Variants in MAP3K15 observed in about 807,000 individuals in gnomAD.
The protein encoded by MAP3K15 is mitogen-activated protein kinase kinase kinase 15.
Under a neutral mutation model 99.5 loss-of-function variants are expected in MAP3K15, and 124 were observed. The ratio of observed to expected loss-of-function variants is 1.25; its 90% CI spans 1.08 to 1.45. The LOEUF is 1.45. Among genes scored for constraint, MAP3K15 ranks in the 40% most tolerant of loss-of-function variants. MAP3K15 has a pLI of 0.00. For missense variants in MAP3K15, 1,242 were observed against 1,079.7 expected (o/e 1.15, Z -2.11); for synonymous variants, 494 against 439.6 (o/e 1.12, Z -1.55).
chrX:19,483,753 C>T (rs1464915330), intron 3 of MAP3K15, among the ~76,000 whole-genome samples: 3 of 111,874 alleles, frequency 2.7e-5, no homozygotes. Context: ...GTTACTTTGA[C>T]ATTCTATTTT....
chrX:19,382,245 A>C (rs2063463035), intron 18 of MAP3K15, among the ~76,000 whole-genome samples: 1 of 71,474 alleles, frequency 1.4e-5, no homozygotes. Flanking sequence ...CTCAGTCTCC[A>C]AAAAAAAAAA....
chrX:19,418,953 A>C (rs2147289011), intron 9 of MAP3K15, among the ~76,000 whole-genome samples: 1 of 111,788 alleles, frequency 8.9e-6, no homozygotes, highest in South Asian at 3.7e-4. Context: ...TCATAAGTGA[A>C]GGAGAAATAA....
chrX:19,470,179 AAG>A (rs1203490613), intron 3 of MAP3K15, among the ~76,000 whole-genome samples: 4 of 112,063 alleles, frequency 3.6e-5, no homozygotes, highest in African/African-American at 1.3e-4. Flanking sequence ...AGACTGGACT[AAG>A]AAAATGTGGC....
intron 13 of MAP3K15, among the ~76,000 whole-genome samples, chrX:19,401,369 T>C (rs2063607171): frequency 9.1e-6 from 1 of 110,212 alleles, no homozygotes; most frequent in Non-Finnish European, 1.9e-5. Context: ...CGGCTAATTT[T>C]TGTATTTTTT....
At chrX:19,408,435 T>C in intron 12 of MAP3K15, 1 of 123,193 alleles carries the variant, frequency 8.1e-6, no homozygotes, top group South Asian at 2.1e-4. Flanking sequence ...GGCGGATCAC[T>C]TGAGGTCAGG....
At chrX:19,492,273 C>G (rs1215208861) in intron 1 of MAP3K15, among the ~76,000 whole-genome samples, 2 of 111,082 alleles carry the variant, frequency 1.8e-5, no homozygotes, top group Admixed American at 1.9e-4. Flanking sequence ...ACATCCACCC[C>G]TCCCTCCCTG....
At chrX:19,507,884 G>A (rs1406209448) in intron 1 of MAP3K15, among the ~76,000 whole-genome samples, 1 of 111,812 alleles carries the variant, frequency 8.9e-6, no homozygotes, top group Non-Finnish European at 1.9e-5. Flanking sequence ...TGTTTTGTTT[G>A]AGATGGGGTC....
At chrX:19,509,901 G>T (rs1008611961) in intron 1 of MAP3K15, among the ~76,000 whole-genome samples, 5 of 111,409 alleles carry the variant, frequency 4.5e-5, no homozygotes, top group Non-Finnish European at 7.5e-5. Context: ...AATAGAAAAT[G>T]ATAAAGGGGC....
At chrX:19,450,858 CT>C (rs1223498034) in intron 6 of MAP3K15, among the ~76,000 whole-genome samples, 1 of 97,994 alleles carries the variant, frequency 1.0e-5, no homozygotes, top group Non-Finnish European at 2.1e-5. Context: ...GGCAAGGCCA[CT>C]GCTCAGAAGA....
At chrX:19,391,913 GCTCA>G (rs2063530612) in intron 18 of MAP3K15, 85 bp downstream of exon 18, 2 of 581,330 alleles carry the variant, frequency 3.4e-6, no homozygotes, top group South Asian at 2.7e-5. Context: ...CAGAAAAGGT[GCTCA>G]CTAAGTAACG....
intron 1 of MAP3K15, among the ~76,000 whole-genome samples, chrX:19,495,496 T>G (rs1488865343): frequency 2.7e-5 from 3 of 111,108 alleles, no homozygotes; most frequent in Non-Finnish European, 5.7e-5. Context: ...ACCTGGCCTA[T>G]CTTTTGCTTC....
rs756163795 is a variant in MAP3K15 at position 19,372,748 on chromosome X, G to C, written c.3013C>G (p.Leu1005Val). 8.3e-7 allele frequency: 1 copy of C among 1,210,942 alleles called. No individual in the cohort carries two copies. The highest frequency in any genetic ancestry group is 1.8e-5 in the South Asian group (1 of 56,981). The change falls in exon 22 of 29, where the codon CTA becomes GTA. Residue 1005 changes from leucine (L) to valine (V), a missense_variant. Physicochemically the swap from Leu to Val is conservative, Grantham distance 32. Transcript: ENST00000338883. Reference protein sequence around the residue: ...PEDRDQGLFLLRKDSERRAIL... With the variant: ...PEDRDQGLFLVRKDSERRAIL... Reference sequence around the variant, plus strand: ...GCACGGCGCTCACTGTCCTTGCGTAGCAGGAAGAGGCCCTGGTCCCTGTCC... The same window carrying C: ...GCACGGCGCTCACTGTCCTTGCGTACCAGGAAGAGGCCCTGGTCCCTGTCC...
rs767476148 is a variant in MAP3K15 at position 19,485,525 on chromosome X, C to A, written c.525+957G>T. ...AATAGTAATCACGTGCACTATACCA[C>A]GTGCTCTGTTTCTGAAACTTATGTC... On this transcript the variant is annotated intron_variant, in intron 3 of 28. Transcript: ENST00000338883. 5.5e-5 allele frequency among the ~76,000 whole-genome samples: 6 copies of A among 110,027 alleles called. No individual in the cohort carries two copies. The South Asian group carries it at 2.0e-3, about 37-fold the overall frequency.
chrX:19,486,477 C>A lies in MAP3K15; in HGVS notation c.525+5G>T. Reference sequence around the variant, plus strand: ...AATTAAAATTCTGAAAATGTTAATACTTACTGTGTTTTTTTGAGTTACCAT... The same window carrying A: ...AATTAAAATTCTGAAAATGTTAATAATTACTGTGTTTTTTTGAGTTACCAT... On this transcript the variant is annotated splice_donor_5th_base_variant and intron_variant, in intron 3 of 28. Coordinates refer to ENST00000338883, the MANE Select transcript of MAP3K15 (RefSeq NM_001001671.4). 1.2e-6 allele frequency: 1 copy of A among 835,465 alleles called. No homozygotes were observed. The allele number at this position is 835,465 out of a possible 1,213,427, so 68.9% of individuals were successfully genotyped here.
intron 1 of MAP3K15, among the ~76,000 whole-genome samples, chrX:19,506,543 C>A (rs183252205): frequency 8.9e-6 from 1 of 111,872 alleles, no homozygotes; most frequent in Non-Finnish European, 1.9e-5. Flanking sequence ...TTTCTTGAGA[C>A]GGAGTCTTGC....
chrX:19,452,741 C>T lies in MAP3K15; in HGVS notation c.995+4172G>A, dbSNP rs948293556. Among the ~76,000 whole-genome samples the T allele has an allele frequency of 3.6e-5, 4 of 112,272 alleles. No individual in the cohort carries two copies. The South Asian group carries it at 1.5e-3, about 42-fold the overall frequency. On this transcript the variant is annotated intron_variant, in intron 6 of 28. Transcript: ENST00000338883. ...ATAAAGCAGTCAGAGAAAGACAAAC[C>T]CTGTACAAGGTTGTTCAACCAGCGG...
intron 9 of MAP3K15, among the ~76,000 whole-genome samples, chrX:19,421,014 G>C (rs954656628): frequency 3.6e-5 from 4 of 111,222 alleles, no homozygotes; most frequent in East Asian, 2.8e-4. Context: ...AATACATTAG[G>C]TATTGATGGG....
At chrX:19,402,317 T>C (rs2063615011) in intron 13 of MAP3K15, among the ~76,000 whole-genome samples, 1 of 110,126 alleles carries the variant, frequency 9.1e-6, no homozygotes, top group Admixed American at 9.8e-5. Context: ...TAAAAGATGA[T>C]ATCAACTGTT....
intron 9 of MAP3K15, among the ~76,000 whole-genome samples, chrX:19,419,715 C>T (rs1239449439): frequency 2.7e-5 from 3 of 111,631 alleles, no homozygotes; most frequent in Non-Finnish European, 5.6e-5. Context: ...GAACTCTCCA[C>T]CCCAAATCAA....
Sources: allele counts gnomAD v4.1 joint callset (sites outside exome capture counted in the v4.1 genomes callset), GRCh38; gene constraint gnomAD v4.1.1; transcripts MANE v1.5; gene names NCBI Gene and HGNC (gene_info 2026-07-23, HGNC 2026-07-21).